SLC24A2: variants seen among roughly 807,000 people sequenced by gnomAD.
The protein encoded by SLC24A2 is solute carrier family 24 member 2, also known as sodium/potassium/calcium exchanger 2.
In SLC24A2, 36 loss-of-function variants were observed where a neutral mutation model predicts 62.0. The observed-to-expected ratio is 0.58, with a 90% CI of 0.44 to 0.77. The LOEUF is 0.77. SLC24A2 is among the 30% of genes least tolerant of loss of function. SLC24A2 has a pLI of 0.00. For synonymous variants in SLC24A2, 358 were observed against 294.0 expected (o/e 1.22, Z -2.23); for missense variants, 846 against 817.9 (o/e 1.03, Z -0.42).
chr9:20,305,723 T>C, the SLC24A2 span, among the ~76,000 whole-genome samples: 1 of 152,168 alleles, frequency 6.6e-6, no homozygotes, highest in Non-Finnish European at 1.5e-5. Context: ...ACATTGAGGC[T>C]CCAAGATGTC....
the SLC24A2 span, among the ~76,000 whole-genome samples, chr9:19,808,035 G>A: frequency 7.9e-5 from 12 of 152,174 alleles, no homozygotes; most frequent in Admixed American, 7.9e-4. This position sits in a 1 kb window ranked among gnomAD's most constrained non-coding sequence, Gnocchi z 4.1. Flanking sequence ...AAAGACATTT[G>A]TGGGGAAAGA....
chr9:19,573,739 C>T (rs1259579625), intron 6 of SLC24A2, among the ~76,000 whole-genome samples: 3 of 152,100 alleles, frequency 2.0e-5, no homozygotes, highest in South Asian at 2.1e-4. Context: ...CCCTTAATAG[C>T]GCCCTGGCTT....
At chr9:20,015,957 G>T in the SLC24A2 span, among the ~76,000 whole-genome samples, 2 of 152,186 alleles carry the variant, frequency 1.3e-5, no homozygotes, top group Non-Finnish European at 2.9e-5. Flanking sequence ...GATTATCCAT[G>T]TACAGCTTTA....
intron 2 of SLC24A2, among the ~76,000 whole-genome samples, chr9:19,664,365 C>A (rs1229905844): frequency 6.6e-6 from 1 of 152,226 alleles, no homozygotes; most frequent in African/African-American, 2.4e-5. Flanking sequence ...GGCTGTAAAG[C>A]AGCTGCCATT....
the SLC24A2 span, among the ~76,000 whole-genome samples, chr9:20,142,979 C>G: frequency 6.6e-6 from 1 of 152,186 alleles, no homozygotes; most frequent in Admixed American, 6.5e-5. Flanking sequence ...AATGCATGAT[C>G]ACATGTAAGC....
the SLC24A2 span, among the ~76,000 whole-genome samples, chr9:20,255,555 C>G: frequency 9.9e-5 from 15 of 152,282 alleles, no homozygotes; most frequent in African/African-American, 3.1e-4. Context: ...TTGATTCACT[C>G]ACATTGTCTG....
the SLC24A2 span, among the ~76,000 whole-genome samples, chr9:20,191,138 T>G: frequency 3.4e-5 from 5 of 148,744 alleles, no homozygotes; most frequent in Non-Finnish European, 5.9e-5. Flanking sequence ...CTAATCAAGG[T>G]GTAATCACCA....
the SLC24A2 span, among the ~76,000 whole-genome samples, chr9:20,148,099 A>T: frequency 6.6e-6 from 1 of 152,024 alleles, no homozygotes; most frequent in Admixed American, 6.6e-5. Flanking sequence ...GGTGACCTGG[A>T]TTTCAAAAGT....
At chr9:20,117,677 T>C in the SLC24A2 span, among the ~76,000 whole-genome samples, 2 of 152,154 alleles carry the variant, frequency 1.3e-5, no homozygotes, top group African/African-American at 2.4e-5. Context: ...TACAAGGTCA[T>C]ATACCTAGTA....
Position 19,516,140 on chromosome 9 carries a change from A to C in SLC24A2, c.*13T>G. On this transcript the variant is annotated 3_prime_UTR_variant, in exon 11 of 11. Transcript: ENST00000341998. ...ACCATTCATGCTGCTGGTGCAAGAT[A>C]TGGCTTTTCCTGCTAGATGGAGACG... 3 of 1,614,048 alleles carry C rather than the reference A, an allele frequency of 1.9e-6. No individual in the cohort carries two copies. Among genetic ancestry groups the C allele is most frequent in the Non-Finnish European group, 2.5e-6 (3 of 1,179,968 alleles).
At chr9:19,807,249 T>C in the SLC24A2 span, among the ~76,000 whole-genome samples, 2 of 152,238 alleles carry the variant, frequency 1.3e-5, no homozygotes, top group Admixed American at 6.5e-5. Flanking sequence ...TGCATCTTTA[T>C]GGTAACAAGG....
At chr9:20,257,467 A>G in the SLC24A2 span, among the ~76,000 whole-genome samples, 4 of 152,234 alleles carry the variant, frequency 2.6e-5, no homozygotes, top group African/African-American at 9.6e-5. Context: ...CAGATTCATT[A>G]GTACTGCAGA....
chr9:20,228,373 G>A, the SLC24A2 span, among the ~76,000 whole-genome samples: 4 of 152,158 alleles, frequency 2.6e-5, no homozygotes, highest in African/African-American at 9.6e-5. Context: ...GGGGGTCACA[G>A]ACTGTCAGCT....
chr9:20,050,240 C>CAAAAA, the SLC24A2 span, among the ~76,000 whole-genome samples: 1 of 59,488 alleles, frequency 1.7e-5, no homozygotes, highest in Admixed American at 1.8e-4. Context: ...CCCGTCTCTA[C>CAAAAA]AAAAAAAAAA....
chr9:19,643,293 G>C (rs1818555939), intron 2 of SLC24A2, among the ~76,000 whole-genome samples: 1 of 152,082 alleles, frequency 6.6e-6, no homozygotes, highest in Admixed American at 6.5e-5. Flanking sequence ...ACTATCTGCA[G>C]AGATCAAAGG....
At chr9:19,736,943 A>G (rs144332097) in intron 2 of SLC24A2, among the ~76,000 whole-genome samples, 2 of 152,382 alleles carry the variant, frequency 1.3e-5, no homozygotes, top group South Asian at 2.1e-4. Flanking sequence ...AGCTTCAAAA[A>G]AGACAAAGCA....
At chr9:19,901,115 C>T in the SLC24A2 span, among the ~76,000 whole-genome samples, 1 of 152,290 alleles carries the variant, frequency 6.6e-6, no homozygotes, top group South Asian at 2.1e-4. Context: ...CATTATTGAT[C>T]ACCTGTCATG....
chr9:19,678,474 A>T (rs1218927662), intron 2 of SLC24A2, among the ~76,000 whole-genome samples: 1 of 152,148 alleles, frequency 6.6e-6, no homozygotes, highest in Non-Finnish European at 1.5e-5. Flanking sequence ...TAGCCTTTTG[A>T]TTTCTCTTTA....
the SLC24A2 span, among the ~76,000 whole-genome samples, chr9:19,810,582 C>G: frequency 2.6e-5 from 4 of 152,170 alleles, no homozygotes; most frequent in Non-Finnish European, 5.9e-5. Flanking sequence ...GAGGGTACAT[C>G]TATGTGTTCC....
Sources: gnomAD v4.1 joint callset for allele counts (sites outside exome capture counted in the v4.1 genomes callset) on GRCh38, gnomAD v4.1.1 for gene constraint, Gnocchi (gnomAD v3.1) non-coding constraint, MANE v1.5 for transcripts, NCBI Gene and HGNC (gene_info 2026-07-23, HGNC 2026-07-21) for gene names.